CLEC18B: variants seen among roughly 807,000 people sequenced by gnomAD.
The protein encoded by CLEC18B is mannose receptor-like 2.
Under a neutral mutation model 60.4 loss-of-function variants are expected in CLEC18B, and 5 were observed. That is an observed-to-expected ratio of 0.08 (90% confidence interval 0.04 to 0.17). CLEC18B has a LOEUF of 0.17. CLEC18B is among the 10% of genes least tolerant of loss of function. The probability of loss-of-function intolerance (pLI) is 1.00; values close to 1 mark genes in which losing one functional copy is unlikely to be tolerated. For missense variants in CLEC18B, 26 were observed against 572.8 expected, an observed-to-expected ratio of 0.05 and a Z score of 9.74; for synonymous variants, 16 against 221.2, an observed-to-expected ratio of 0.07 and a Z score of 8.23.
chr16:74,410,196 G>A (rs1267211976), intron 10 of CLEC18B, among the ~76,000 whole-genome samples: 2 of 152,306 alleles, frequency 1.3e-5, no homozygotes, highest in African/African-American at 4.8e-5. Context: ...AAGGAATGCT[G>A]GCATCAGTGT....
At chr16:74,421,757 G>C (rs1434109717), upstream of CLEC18B, 415 of 194,926 alleles carry the variant, frequency 2.1e-3, 2 homozygotes, top group Non-Finnish European at 3.2e-3. Flanking sequence ...CCTCGGCTAT[G>C]GTCCTTCTGG....
At chr16:74,413,814 G>C in intron 3 of CLEC18B, 138 bp from the exon 4 acceptor site, 1 of 1,424,550 alleles carries the variant, frequency 7.0e-7, no homozygotes, top group South Asian at 1.2e-5. Flanking sequence ...GTCCTGGGCA[G>C]GGGTAGAAGC....
rs202025053 is a variant in CLEC18B at position 74,413,640 on chromosome 16, G to A, written c.493C>T (p.Arg165Trp). 5.2e-4 allele frequency: 841 copies of A among 1,613,536 alleles called. No homozygotes were observed. In the East Asian group the frequency reaches 0.011, roughly 22 times the overall value. The part of the protein sequence containing the change: ...WATSSQLGCG[R>W]HLCSAGQTAI... ...GTCTGGCCTGCAGAGCACAGGTGCCGCCCACAGCCCAGCTGGCTTGAGGTG... is the reference window on the plus strand; with the variant it reads ...GTCTGGCCTGCAGAGCACAGGTGCCACCCACAGCCCAGCTGGCTTGAGGTG... The change falls in exon 4 of 12, where the codon CGG becomes TGG. Residue 165 changes from arginine (R) to tryptophan (W), a missense_variant. By Grantham distance (101) the Arg-to-Trp change is moderately radical (BLOSUM62 -3). Transcript: ENST00000682950.
chr16:74,422,871 TG>T (rs2013734382), upstream of CLEC18B, among the ~76,000 whole-genome samples: 1 of 149,460 alleles, frequency 6.7e-6, no homozygotes, highest in Non-Finnish European at 1.5e-5. Flanking sequence ...TTCATCGTCT[TG>T]CCCAGGCTGG....
At chr16:74,414,018 G>T (rs11647689) in intron 3 of CLEC18B, among the ~76,000 whole-genome samples, 12 of 151,648 alleles carry the variant, frequency 7.9e-5, no homozygotes, top group Non-Finnish European at 1.3e-4. Flanking sequence ...GATTACAGGC[G>T]ACTGCCACCA....
At chr16:74,413,190 G>C (rs1204507489) in intron 4 of CLEC18B, 32 bp from the exon 5 acceptor site, 1 of 1,611,952 alleles carries the variant, frequency 6.2e-7, no homozygotes, top group East Asian at 2.2e-5. Flanking sequence ...ACAGGGTGTG[G>C]GAGGGCCTGG....
chr16:74,415,920 A>C (rs199758416), intron 3 of CLEC18B, among the ~76,000 whole-genome samples: 27,328 of 136,808 alleles, frequency 0.2, 1,160 homozygotes, highest in South Asian at 0.34. Context: ...ACAACCACCA[A>C]CAACAAAACA....
upstream of CLEC18B, among the ~76,000 whole-genome samples, chr16:74,423,081 C>T (rs550481803): frequency 2.1e-3 from 260 of 123,972 alleles, no homozygotes; most frequent in African/African-American, 7.7e-3. Context: ...GATGAGGAAA[C>T]GGGCTTAGTG....
intron 3 of CLEC18B, among the ~76,000 whole-genome samples, chr16:74,414,565 A>G (rs1012346061): frequency 1.4e-5 from 2 of 140,862 alleles, no homozygotes; most frequent in African/African-American, 5.4e-5. Context: ...GGAAGGCCTC[A>G]TGGAACAGAG....
intron 3 of CLEC18B, among the ~76,000 whole-genome samples, chr16:74,414,155 G>A (rs2013319620): frequency 1.3e-5 from 2 of 152,304 alleles, no homozygotes; most frequent in Non-Finnish European, 2.9e-5. Flanking sequence ...GATTATAGGT[G>A]TGAGCCACCG....
In CLEC18B at chr16:74,413,568, G is replaced by C. The variant is rs762221887; in HGVS notation, c.554+11C>G. ...CCCAGACATCCCAGCAGAAGGTGTA[G>C]CAGGGCTTACCCGGGGGAGTAGGCA... On this transcript the variant is annotated intron_variant, in intron 4 of 11. Transcript: ENST00000682950. 1 of 1,614,086 alleles carries C rather than the reference G, an allele frequency of 6.2e-7. No homozygotes were observed. The highest frequency in any genetic ancestry group is 8.5e-7 in the Non-Finnish European group (1 of 1,179,890).
chr16:74,416,944 A>G (rs2013440981), intron 3 of CLEC18B, among the ~76,000 whole-genome samples: 1 of 152,014 alleles, frequency 6.6e-6, no homozygotes, highest in Non-Finnish European at 1.5e-5. Flanking sequence ...AAACCTAGGT[A>G]GTGGGTAAGA....
Position 74,410,908 on chromosome 16 carries a change from TC to T in CLEC18B, c.1110del (p.Trp370Ter). The T allele has an allele frequency of 1.2e-6, 2 of 1,608,552 alleles. No homozygotes were observed. The highest frequency in any genetic ancestry group is 2.2e-5 in the South Asian group (2 of 90,766). ...IDSDFETRNF[W>X]IGLTYKTAKD... ...CCCCAATCAGCTGGGCACTCACCGA[TC>T]CAGAAGTTCCTGGTCTCGAAGTCAC... On this transcript the variant is annotated frameshift_variant, in exon 9 of 12. Coordinates refer to ENST00000682950, the MANE Select transcript of CLEC18B (RefSeq NM_001385193.1). LOFTEE classifies it high-confidence loss of function.
At chr16:74,423,691 C>T (rs561108843), upstream of CLEC18B, among the ~76,000 whole-genome samples, 12 of 125,958 alleles carry the variant, frequency 9.5e-5, no homozygotes, top group Admixed American at 1.7e-4. Context: ...TCTGTCCCAC[C>T]CCCGACCCCT....
At chr16:74,422,198 C>T (rs1254788087), upstream of CLEC18B, 1 of 152,090 alleles carries the variant, frequency 6.6e-6, no homozygotes, top group East Asian at 1.9e-4. Context: ...CGTGATCCCA[C>T]CAGAGTGAGC....
chr16:74,417,876 C>T (rs1325350295), intron 3 of CLEC18B, among the ~76,000 whole-genome samples, 183 bp downstream of exon 3: 1 of 152,132 alleles, frequency 6.6e-6, no homozygotes, highest in African/African-American at 2.4e-5. Flanking sequence ...CGAGATCACG[C>T]CACTGCACTC....
chr16:74,416,077 G>A (rs1487876856), intron 3 of CLEC18B, among the ~76,000 whole-genome samples: 286 of 151,688 alleles, frequency 1.9e-3, no homozygotes, highest in Non-Finnish European at 3.1e-3. Flanking sequence ...TGGCTAATAC[G>A]GTGAAACCCT....
intron 10 of CLEC18B, 38 bp downstream of exon 10, chr16:74,410,498 A>T: frequency 6.2e-7 from 1 of 1,611,774 alleles, no homozygotes; most frequent in Admixed American, 1.7e-5. Context: ...GGCCCAAGTG[A>T]GAAGGAGGCC....
chr16:74,423,175 C>T (rs1487672372), upstream of CLEC18B, among the ~76,000 whole-genome samples: 48 of 143,510 alleles, frequency 3.3e-4, no homozygotes, highest in African/African-American at 1.0e-3. Flanking sequence ...CCATTCCCAA[C>T]GCTTTAATTC....
Sources: allele counts gnomAD v4.1 joint callset (sites outside exome capture counted in the v4.1 genomes callset), GRCh38; gene constraint gnomAD v4.1.1; transcripts MANE v1.5; gene names NCBI Gene and HGNC (gene_info 2026-07-23, HGNC 2026-07-21).